Variants in PCDH17 observed in about 807,000 individuals in gnomAD.
The protein encoded by PCDH17 is protocadherin 17.
In PCDH17, 21 loss-of-function variants were observed where a neutral mutation model predicts 67.7. The ratio of observed to expected loss-of-function variants is 0.31; its 90% CI spans 0.22 to 0.45. The LOEUF (loss-of-function observed/expected upper bound fraction) is 0.45, where lower values mean the gene tolerates loss of function less well. PCDH17 is among the 20% of genes least tolerant of loss of function. The probability of loss-of-function intolerance (pLI) is 1.00; values close to 1 mark genes in which losing one functional copy is unlikely to be tolerated. For synonymous variants in PCDH17, 701 were observed against 656.7 expected (o/e 1.07, Z -1.03); for missense variants, 1,471 against 1,564.8 (o/e 0.94, Z 1.01).
Position 57,633,706 on chromosome 13 carries a change from T to G in PCDH17, c.1160T>G (p.Leu387Arg). ...CGGGACTCTGGCAAGAACGGACAGCTGCAGTGTCGGGTCCTAGGCGGAGGA... is the reference window on the plus strand; with the variant it reads ...CGGGACTCTGGCAAGAACGGACAGCGGCAGTGTCGGGTCCTAGGCGGAGGA... Reference protein sequence around the residue: ...TDRDSGKNGQLQCRVLGGGGT... With the variant: ...TDRDSGKNGQRQCRVLGGGGT... The change falls in exon 1 of 4, where the codon CTG (leucine) becomes CGG (arginine). Residue 387 changes from leucine (L) to arginine (R), a missense_variant. By Grantham distance (102) the Leu-to-Arg change is moderately radical. Transcript: ENST00000377918. This position sits in a 1 kb window ranked among gnomAD's most constrained non-coding sequence, Gnocchi z 6.2. 2 of 1,602,804 alleles carry G rather than the reference T, an allele frequency of 1.2e-6. No individual in the cohort carries two copies. Among genetic ancestry groups the G allele is most frequent in the Non-Finnish European group, 1.7e-6 (2 of 1,179,544 alleles).
chr13:57,709,697 C>G (rs1955757657), intron 3 of PCDH17: 1 of 152,020 alleles, frequency 6.6e-6, no homozygotes, highest in Non-Finnish European at 1.5e-5. Flanking sequence ...CCTTTGCTAT[C>G]CTCACCCTAC....
chr13:57,652,258 C>T lies in PCDH17; in HGVS notation c.2566-14210C>T, dbSNP rs1955051185. 2.3e-5 allele frequency among the ~76,000 whole-genome samples: 3 copies of T among 129,432 alleles called. No individual in the cohort carries two copies. The South Asian group carries it at 7.8e-4, about 34-fold the overall frequency. 84.9% of individuals were successfully genotyped at this position (129,432 alleles called of 152,430 possible). On this transcript the variant is annotated intron_variant, in intron 1 of 3. Coordinates refer to ENST00000377918, the MANE Select transcript of PCDH17 (RefSeq NM_001040429.3). ...GCGCCACTGCAGTCCGCAGTCCGGCCTGGGCGACAGAGCGAGACTCCGTCT... is the reference window on the plus strand; with the variant it reads ...GCGCCACTGCAGTCCGCAGTCCGGCTTGGGCGACAGAGCGAGACTCCGTCT...
chr13:57,693,730 T>A (rs1955581593), intron 3 of PCDH17, among the ~76,000 whole-genome samples: 1 of 151,006 alleles, frequency 6.6e-6, no homozygotes, highest in African/African-American at 2.4e-5. Context: ...TAATTATTTT[T>A]CTAATTATAT....
At chr13:57,680,624 T>A (rs931111579) in intron 3 of PCDH17, among the ~76,000 whole-genome samples, 1 of 151,598 alleles carries the variant, frequency 6.6e-6, no homozygotes, top group Non-Finnish European at 1.5e-5. Flanking sequence ...CATGTGCACC[T>A]GAGGAGGGTT....
chr13:57,678,866 A>G (rs998491631), intron 3 of PCDH17, among the ~76,000 whole-genome samples: 1 of 151,486 alleles, frequency 6.6e-6, no homozygotes, highest in Non-Finnish European at 1.5e-5. Flanking sequence ...TTGAAAATTG[A>G]TGTTATGATA....
At chr13:57,659,422 A>G (rs999558290) in intron 1 of PCDH17, among the ~76,000 whole-genome samples, 12 of 152,092 alleles carry the variant, frequency 7.9e-5, no homozygotes, top group Non-Finnish European at 1.8e-4. Flanking sequence ...TGTTGCATTA[A>G]AATTTACCAT....
At chr13:57,684,555 G>C (rs1356504221) in intron 3 of PCDH17, among the ~76,000 whole-genome samples, 1 of 151,772 alleles carries the variant, frequency 6.6e-6, no homozygotes, top group Non-Finnish European at 1.5e-5. Context: ...ACATAGACTT[G>C]TTAGCACACA....
intron 1 of PCDH17, among the ~76,000 whole-genome samples, chr13:57,642,045 T>A (rs1246993818): frequency 1.3e-5 from 2 of 151,726 alleles, no homozygotes; most frequent in African/African-American, 4.8e-5. Flanking sequence ...ATCTGTATTA[T>A]CTTATTTTCT....
At chr13:57,669,130 G>A (rs1331801384) in intron 3 of PCDH17, among the ~76,000 whole-genome samples, 1 of 151,804 alleles carries the variant, frequency 6.6e-6, no homozygotes, top group African/African-American at 2.4e-5. Context: ...TGAGAATGAT[G>A]GTTTCCAGCT....
intron 1 of PCDH17, among the ~76,000 whole-genome samples, chr13:57,645,544 A>G (rs1853889626): frequency 6.6e-6 from 1 of 151,550 alleles, no homozygotes; most frequent in African/African-American, 2.4e-5. Flanking sequence ...TTTTAAATTT[A>G]TAGTTACCAC....
chr13:57,672,379 G>A (rs1955333299), intron 3 of PCDH17, among the ~76,000 whole-genome samples: 1 of 151,970 alleles, frequency 6.6e-6, no homozygotes, highest in African/African-American at 2.4e-5. Flanking sequence ...TTGCCTAGAG[G>A]TAAGGGTGGG....
intron 3 of PCDH17, among the ~76,000 whole-genome samples, chr13:57,667,290 A>G (rs770898774): frequency 5.9e-5 from 9 of 152,096 alleles, no homozygotes; most frequent in Non-Finnish European, 1.3e-4. Context: ...TTAGCTTCAA[A>G]ATAGTTTTTC....
chr13:57,692,584 T>C (rs1464977520), intron 3 of PCDH17, among the ~76,000 whole-genome samples: 1 of 151,288 alleles, frequency 6.6e-6, no homozygotes, highest in Non-Finnish European at 1.5e-5. Context: ...TCATATCCTT[T>C]TATTGGAACA....
At chr13:57,668,847 A>G (rs1172056578) in intron 3 of PCDH17, among the ~76,000 whole-genome samples, 1 of 151,970 alleles carries the variant, frequency 6.6e-6, no homozygotes, top group Non-Finnish European at 1.5e-5. Context: ...TTATATATAT[A>G]TATTTTTATT....
intron 1 of PCDH17, among the ~76,000 whole-genome samples, chr13:57,655,430 A>G (rs891586923): frequency 6.6e-6 from 1 of 152,004 alleles, no homozygotes; most frequent in Non-Finnish European, 1.5e-5. Flanking sequence ...ATGGAAATAT[A>G]TAACAGACTT....
chr13:57,658,044 T>C lies in PCDH17; in HGVS notation c.2566-8424T>C, dbSNP rs186243743. ...ATATTTCAAACAGTGGAAGATCACT[T>C]TGTATTTGAAATACGTATCTTTATA... On this transcript the variant is annotated intron_variant, in intron 1 of 3. Transcript: ENST00000377918. Among the ~76,000 whole-genome samples, 340 of 152,300 alleles carry C rather than the reference T, an allele frequency of 2.2e-3. 3 individuals carry two copies. The highest frequency in any genetic ancestry group is 3.6e-3 in the Non-Finnish European group (243 of 68,022).
At position 57,631,915 on chromosome 13, in the gene PCDH17, G is replaced by C. The variant is rs894493292; in HGVS notation, c.-632G>C. ...AACAGACCGGCCCGCGCAGCAAGCA[G>C]ACATTTCACGGTGCGCTGGGGAAGC... On this transcript the variant is annotated 5_prime_UTR_variant, in exon 1 of 4. Coordinates refer to ENST00000377918, the MANE Select transcript of PCDH17 (RefSeq NM_001040429.3). The C allele has an allele frequency of 1.3e-5, 2 of 152,512 alleles. No homozygotes were observed. The highest frequency in any genetic ancestry group is 2.9e-5 in the Non-Finnish European group (2 of 68,342). 9.4% of individuals were successfully genotyped at this position (152,512 alleles called of 1,614,324 possible).
chr13:57,721,474 C>T (rs375219810), intron 3 of PCDH17, among the ~76,000 whole-genome samples: 12 of 151,966 alleles, frequency 7.9e-5, no homozygotes, highest in African/African-American at 2.4e-4. Context: ...AATCCATTCC[C>T]CTTAAAGTAC....
rs1294764768 is a variant in PCDH17, at chr13:57,632,531, A to G, written c.-16A>G. ...CTCCAGTCCGATTGCTCCTGCCCCCACCTTACAGGTCTGGGATGTACCTTT... is the reference window on the plus strand; with the variant it reads ...CTCCAGTCCGATTGCTCCTGCCCCCGCCTTACAGGTCTGGGATGTACCTTT... On this transcript the variant is annotated 5_prime_UTR_variant, in exon 1 of 4. Coordinates refer to ENST00000377918, the MANE Select transcript of PCDH17 (RefSeq NM_001040429.3). 4 of 1,608,946 alleles carry G rather than the reference A, an allele frequency of 2.5e-6. No individual in the cohort carries two copies. The Admixed American group carries it at 5.1e-5, about 20-fold the overall frequency.
Sources: gnomAD v4.1 joint callset for allele counts (sites outside exome capture counted in the v4.1 genomes callset) on GRCh38, gnomAD v4.1.1 for gene constraint, Gnocchi (gnomAD v3.1) non-coding constraint, MANE v1.5 for transcripts, NCBI Gene and HGNC (gene_info 2026-07-23, HGNC 2026-07-21) for gene names.